Variants in NRXN1 observed in about 807,000 individuals in gnomAD.
The protein encoded by NRXN1 is neurexin 1.
A neutral mutation model predicts 150.9 loss-of-function variants in NRXN1; 39 were observed. That is an observed-to-expected ratio of 0.26 (90% CI 0.20 to 0.34). NRXN1 has a LOEUF of 0.34. Among genes scored for constraint, NRXN1 ranks in the 10% least tolerant of loss-of-function variants. The probability of loss-of-function intolerance (pLI) is 1.00; values close to 1 mark genes in which losing one functional copy is unlikely to be tolerated. For missense variants in NRXN1, 1,815 were observed against 1,949.9 expected (o/e 0.93, Z 1.30); for synonymous variants, 924 against 757.0 (o/e 1.22, Z -3.62).
At chr2:50,581,661 A>G (rs2103657929) in intron 8 of NRXN1, among the ~76,000 whole-genome samples, 1 of 152,344 alleles carries the variant, frequency 6.6e-6, no homozygotes, top group African/African-American at 2.4e-5. Flanking sequence ...CATGAGAAAG[A>G]ATGTCATGAT....
chr2:51,010,016 T>G (rs1232458090), intron 2 of NRXN1, among the ~76,000 whole-genome samples: 1 of 151,990 alleles, frequency 6.6e-6, no homozygotes, highest in Non-Finnish European at 1.5e-5. Flanking sequence ...TCTGCAAGGT[T>G]ACTGTGGTAT....
At chr2:50,158,288 C>A (rs1314515078) in intron 18 of NRXN1, among the ~76,000 whole-genome samples, 1 of 151,344 alleles carries the variant, frequency 6.6e-6, no homozygotes, top group South Asian at 2.1e-4. Context: ...GTACAAAATG[C>A]CCATCAAAAT....
At chr2:50,240,852 T>C (rs1385074106) in intron 17 of NRXN1, among the ~76,000 whole-genome samples, 1 of 151,698 alleles carries the variant, frequency 6.6e-6, no homozygotes, top group Non-Finnish European at 1.5e-5. Context: ...TAATAAATTT[T>C]AGAGAGAATA....
intron 13 of NRXN1, among the ~76,000 whole-genome samples, chr2:50,501,024 T>A (rs2091912367): frequency 6.6e-6 from 1 of 152,208 alleles, no homozygotes; most frequent in African/African-American, 2.4e-5. Context: ...ATTAAATCTA[T>A]AATAACAAAA....
rs754025322 is a variant in NRXN1, at chr2:50,933,035, AAAAAC to A, written c.773-7085_773-7081del. Among the ~76,000 whole-genome samples, 13 of 152,204 alleles carry A rather than the reference AAAAAC, an allele frequency of 8.5e-5. 1 individual carries two copies. The highest frequency in any genetic ancestry group is 2.4e-4 in the African/African-American group (10 of 41,554). On this transcript the variant is annotated intron_variant, in intron 2 of 22. Coordinates refer to ENST00000401669, the MANE Select transcript of NRXN1 (RefSeq NM_001330078.2). ...GTTACAATAAATTGCTTCCTCAAGA[AAAAAC>A]AAAACAAAACAAAACAAAAAAACAC...
At chr2:50,946,388 C>T (rs572999130) in intron 2 of NRXN1, among the ~76,000 whole-genome samples, 13 of 152,210 alleles carry the variant, frequency 8.5e-5, no homozygotes, top group African/African-American at 3.1e-4. Context: ...ATAAACTGTG[C>T]ACCTTTGTCC....
At chr2:49,992,088 A>C (rs1351660934) in intron 21 of NRXN1, among the ~76,000 whole-genome samples, 1 of 152,214 alleles carries the variant, frequency 6.6e-6, no homozygotes, top group East Asian at 1.9e-4. Context: ...AAATGGATCA[A>C]ACCCTTAAGT....
intron 5 of NRXN1, among the ~76,000 whole-genome samples, chr2:50,680,906 C>A (rs1379457624): frequency 6.6e-6 from 1 of 152,078 alleles, no homozygotes; most frequent in Non-Finnish European, 1.5e-5. Flanking sequence ...TTGAGACCTG[C>A]CTTAAGATGC....
chr2:50,177,076 A>T (rs1406565092), intron 18 of NRXN1, among the ~76,000 whole-genome samples: 1 of 152,166 alleles, frequency 6.6e-6, no homozygotes, highest in Non-Finnish European at 1.5e-5. Flanking sequence ...GTTCTTGCAG[A>T]AGTAATGTCA....
intron 12 of NRXN1, among the ~76,000 whole-genome samples, chr2:50,514,969 G>C (rs566703099): frequency 3.9e-5 from 6 of 152,130 alleles, no homozygotes; most frequent in Admixed American, 3.9e-4. Flanking sequence ...ATTTTTAAAG[G>C]CTTTAAGCCC....
chr2:50,277,382 GTCCT>G (rs1159581983), intron 17 of NRXN1, among the ~76,000 whole-genome samples: 1 of 132,054 alleles, frequency 7.6e-6, no homozygotes, highest in Non-Finnish European at 1.6e-5. Flanking sequence ...AAAAAGGTCC[GTCCT>G]TCCTTCCTTC....
intron 18 of NRXN1, among the ~76,000 whole-genome samples, chr2:50,169,242 T>C (rs745692120): frequency 1.3e-5 from 2 of 152,100 alleles, no homozygotes; most frequent in Non-Finnish European, 2.9e-5. Context: ...TATTCAAAAG[T>C]AGGTAATTTG....
intron 12 of NRXN1, among the ~76,000 whole-genome samples, chr2:50,522,397 G>C (rs1265257628): frequency 1.3e-5 from 2 of 152,158 alleles, no homozygotes; most frequent in African/African-American, 4.8e-5. Flanking sequence ...GCATTACTTT[G>C]AGAGTCTCTG....
chr2:50,412,333 A>G (rs1393588176), intron 17 of NRXN1, among the ~76,000 whole-genome samples: 2 of 101,368 alleles, frequency 2.0e-5, no homozygotes, highest in Non-Finnish European at 3.5e-5. Flanking sequence ...TAAATAAAAA[A>G]TAAAAAAAAT....
intron 5 of NRXN1, among the ~76,000 whole-genome samples, chr2:50,920,438 C>A (rs1477566447): frequency 1.3e-5 from 2 of 151,600 alleles, no homozygotes; most frequent in Non-Finnish European, 3.0e-5. Context: ...GTTACTTTTT[C>A]ACAAAATAAC....
chr2:50,444,194 G>A (rs919285615), intron 17 of NRXN1, among the ~76,000 whole-genome samples: 4 of 152,154 alleles, frequency 2.6e-5, no homozygotes, highest in African/African-American at 9.7e-5. Flanking sequence ...ATAGCTAAAA[G>A]TGTAGTCAAA....
chr2:50,774,786 T>C (rs1703406573), intron 5 of NRXN1, among the ~76,000 whole-genome samples: 1 of 152,130 alleles, frequency 6.6e-6, no homozygotes, highest in South Asian at 2.1e-4. Context: ...TTGCTTCTCA[T>C]CCATAAATTT....
At chr2:50,308,945 G>A (rs1377701081) in intron 17 of NRXN1, among the ~76,000 whole-genome samples, 1 of 152,110 alleles carries the variant, frequency 6.6e-6, no homozygotes, top group Non-Finnish European at 1.5e-5. Context: ...GTTTTGTAAG[G>A]GTTAAACGAG....
intron 21 of NRXN1, among the ~76,000 whole-genome samples, chr2:50,007,713 A>G (rs539709716): frequency 6.6e-6 from 1 of 152,118 alleles, no homozygotes. Context: ...TGTCTTTTAT[A>G]GTAGAATGAT....
Sources: gnomAD v4.1 joint callset for allele counts (sites outside exome capture counted in the v4.1 genomes callset) on GRCh38, gnomAD v4.1.1 for gene constraint, MANE v1.5 for transcripts, NCBI Gene and HGNC (gene_info 2026-07-23, HGNC 2026-07-21) for gene names.